GLO1: variants seen among roughly 807,000 people sequenced by gnomAD.
GLO1 encodes glyoxalase I.
In GLO1, 28 loss-of-function variants were observed where a neutral mutation model predicts 26.0. The observed-to-expected ratio is 1.08, with a 90% CI of 0.80 to 1.48. GLO1 has a LOEUF of 1.48. GLO1 is among the 40% of genes most tolerant of loss of function. The probability of loss-of-function intolerance (pLI) is 0.00; values close to 1 mark genes in which losing one functional copy is unlikely to be tolerated. For synonymous variants in GLO1, 78 were observed against 77.6 expected (o/e 1.00, Z -0.03); for missense variants, 225 against 224.8 (o/e 1.00, Z -0.01).
At chr6:38,686,821 T>C in intron 2 of GLO1, 71 bp downstream of exon 2, 1 of 865,402 alleles carries the variant, frequency 1.2e-6, no homozygotes, top group Non-Finnish European at 1.9e-6. Flanking sequence ...TTAAGATGGG[T>C]CTGAAAACAC....
In GLO1 at chr6:38,675,977, A is replaced by C. The variant is rs149374228; in HGVS notation, c.*1318T>G. On this transcript the variant is annotated 3_prime_UTR_variant, in exon 6 of 6. Transcript: ENST00000373365. ...AAGTTTCATTTTATTTCAGTCTATAAGTATTGCTATTTGTTTAAAGCACTC... is the reference window on the plus strand; with the variant it reads ...AAGTTTCATTTTATTTCAGTCTATACGTATTGCTATTTGTTTAAAGCACTC... The C allele has an allele frequency of 3.3e-4, 50 of 152,212 alleles. No homozygotes were observed. Among genetic ancestry groups the C allele is most frequent in the African/African-American group, 9.9e-4 (41 of 41,548 alleles). The allele number at this position is 152,212 out of a possible 1,614,324, so 9.4% of individuals were successfully genotyped here. A position where few individuals can be genotyped will look rare whatever the true frequency, so the allele number is the denominator to read the frequency against.
chr6:38,696,563 T>C (rs1445267366), intron 1 of GLO1, among the ~76,000 whole-genome samples: 2 of 152,136 alleles, frequency 1.3e-5, no homozygotes, highest in Non-Finnish European at 2.9e-5. Context: ...TTCTTTACAG[T>C]CTCTTTTATA....
chr6:38,695,271 G>A (rs769763364), intron 1 of GLO1, among the ~76,000 whole-genome samples: 23 of 151,682 alleles, frequency 1.5e-4, no homozygotes, highest in Non-Finnish European at 2.6e-4. Flanking sequence ...CTTTTTAAAT[G>A]GTGGCTCTAG....
intron 1 of GLO1, among the ~76,000 whole-genome samples, chr6:38,693,210 A>G (rs1327193711): frequency 6.6e-6 from 1 of 152,236 alleles, no homozygotes; most frequent in Non-Finnish European, 1.5e-5. Context: ...CTTAAGTTAT[A>G]GGACTCATCA....
At chr6:38,677,459 C>T in intron 5 of GLO1, 76 bp from the exon 6 acceptor site, 1 of 743,878 alleles carries the variant, frequency 1.3e-6, no homozygotes, top group Non-Finnish European at 2.4e-6. Context: ...TTCTTTGAGA[C>T]AAGGTCTTGC....
chr6:38,693,977 T>C lies in GLO1; in HGVS notation c.85-7003A>G, dbSNP rs369136596. On this transcript the variant is annotated intron_variant, in intron 1 of 5. Coordinates refer to ENST00000373365, the MANE Select transcript of GLO1 (RefSeq NM_006708.3). Reference sequence around the variant, plus strand: ...CGCCTGCCTCAGCCTCCCAAAGTGCTGGGATTACAGGCGTGAGCCACTGCA... The same window carrying C: ...CGCCTGCCTCAGCCTCCCAAAGTGCCGGGATTACAGGCGTGAGCCACTGCA... 2.0e-5 allele frequency among the ~76,000 whole-genome samples: 3 copies of C among 152,196 alleles called. No individual in the cohort carries two copies. In the East Asian group the frequency reaches 5.8e-4, roughly 29 times the overall value.
intron 1 of GLO1, among the ~76,000 whole-genome samples, chr6:38,690,510 A>G (rs1238390763): frequency 6.6e-6 from 1 of 152,210 alleles, no homozygotes; most frequent in Non-Finnish European, 1.5e-5. Flanking sequence ...GCATGGGAAT[A>G]TATAAAATGG....
rs202042435 is a variant in GLO1 at position 38,681,748 on chromosome 6, C to T, written c.466+264G>A. Reference sequence around the variant, plus strand: ...GGCCAATGAAAGAAAGTGGTGGGGTCGGGCAGTGGGAGAGGAAGCGTAGGG... The same window carrying T: ...GGCCAATGAAAGAAAGTGGTGGGGTTGGGCAGTGGGAGAGGAAGCGTAGGG... On this transcript the variant is annotated intron_variant, in intron 5 of 5. Transcript: ENST00000373365. 5.3e-5 allele frequency among the ~76,000 whole-genome samples: 8 copies of T among 152,228 alleles called. No individual in the cohort carries two copies. The East Asian group carries it at 1.3e-3, about 26-fold the overall frequency.
intron 5 of GLO1, 58 bp from the exon 6 acceptor site, chr6:38,677,441 G>A (rs1224253735): frequency 3.6e-6 from 3 of 825,618 alleles, no homozygotes; most frequent in Non-Finnish European, 6.3e-6. Flanking sequence ...CCATAAAAAT[G>A]TTTTTCTTTC....
In GLO1 at chr6:38,677,119, C is replaced by T. The variant is rs369417583; in HGVS notation, c.*176G>A. 1 of 614,880 alleles carries T rather than the reference C, an allele frequency of 1.6e-6. No individual in the cohort carries two copies. 38.1% of individuals were successfully genotyped at this position (614,880 alleles called of 1,614,324 possible). On this transcript the variant is annotated 3_prime_UTR_variant, in exon 6 of 6. Coordinates refer to ENST00000373365, the MANE Select transcript of GLO1 (RefSeq NM_006708.3). ...ATGAGATAAAGCACTGCTTGAAAAC[C>T]AGAATGACTGAACAGTTAGGTGAAA...
rs11268732 is a variant in GLO1 at position 38,701,366 on chromosome 6, C to CTCCACATGGTAT, written c.84+1604_84+1605insATACCATGTGGA. Among the ~76,000 whole-genome samples, 291 of 151,756 alleles carry CTCCACATGGTAT rather than the reference C, an allele frequency of 1.9e-3. 1 individual carries two copies. The highest frequency in any genetic ancestry group is 6.6e-3 in the African/African-American group (272 of 41,362). On this transcript the variant is annotated intron_variant, in intron 1 of 5. Transcript: ENST00000373365. ...TATTATTATGTATTCCATTTTATGT[C>CTCCACATGGTAT]TCCCATGGCCAAAAATTACTGATCT...
intron 2 of GLO1, among the ~76,000 whole-genome samples, chr6:38,686,608 A>G (rs1284666422): frequency 6.6e-6 from 1 of 152,216 alleles, no homozygotes; most frequent in Non-Finnish European, 1.5e-5. Flanking sequence ...CAGAACATCA[A>G]AAGGGGTCTG....
rs571661458 is a variant in GLO1 at position 38,681,245 on chromosome 6, G to A, written c.466+767C>T. On this transcript the variant is annotated intron_variant, in intron 5 of 5. Coordinates refer to ENST00000373365, the MANE Select transcript of GLO1 (RefSeq NM_006708.3). ...GCCTGGCTAATTTTTTCTATTTTTG[G>A]TAGAGACAGGGTTTCACCATGTTAG... Among the ~76,000 whole-genome samples the A allele has an allele frequency of 2.0e-3, 310 of 152,164 alleles. 1 individual carries two copies. Among genetic ancestry groups the A allele is most frequent in the Middle Eastern group, 6.8e-3 (2 of 294 alleles).
chr6:38,690,125 A>G (rs1761510648), intron 1 of GLO1, among the ~76,000 whole-genome samples: 1 of 152,198 alleles, frequency 6.6e-6, no homozygotes, highest in Non-Finnish European at 1.5e-5. Flanking sequence ...CTAAAATTCT[A>G]AGGAAATAAT....
intron 5 of GLO1, 31 bp downstream of exon 5, chr6:38,681,953 TAGGTGGTTAGTAAATATCAACTAAAGAC>T: frequency 2.3e-6 from 2 of 854,296 alleles, no homozygotes; most frequent in South Asian, 2.7e-5. Context: ...GTGGCCTCTG[TAGGTGGTTAGTAAATATCAACTAAAGAC>T]AGGCCTGAAC....
At chr6:38,687,768 T>C (rs1271168402) in intron 1 of GLO1, among the ~76,000 whole-genome samples, 3 of 152,212 alleles carry the variant, frequency 2.0e-5, no homozygotes, top group Non-Finnish European at 2.9e-5. Flanking sequence ...TCATACCCCA[T>C]GTTGTAGATG....
intron 5 of GLO1, among the ~76,000 whole-genome samples, chr6:38,678,235 G>T (rs770135956): frequency 3.9e-5 from 6 of 152,078 alleles, no homozygotes; most frequent in African/African-American, 7.2e-5. Flanking sequence ...TGTTGAATTG[G>T]TTTGACTCTT....
chr6:38,684,753 A>G (rs1562483966), intron 2 of GLO1, among the ~76,000 whole-genome samples: 2 of 152,230 alleles, frequency 1.3e-5, no homozygotes, highest in Admixed American at 6.5e-5. Context: ...TAAATATAGT[A>G]ACATTTAGCT....
At chr6:38,682,144 T>C (rs1221644935) in intron 4 of GLO1, 43 bp from the exon 5 acceptor site, 2 of 1,046,198 alleles carry the variant, frequency 1.9e-6, no homozygotes, top group South Asian at 2.5e-5. Flanking sequence ...AAGGAAGAAA[T>C]AATTATAACA....
Sources: allele counts gnomAD v4.1 joint callset (sites outside exome capture counted in the v4.1 genomes callset), GRCh38; gene constraint gnomAD v4.1.1; transcripts MANE v1.5; gene names NCBI Gene and HGNC (gene_info 2026-07-23, HGNC 2026-07-21).